The following DMXL1 variants were observed in gnomAD, a reference collection of about 807,000 sequenced individuals.
DMXL1 encodes the protein dmX-like protein 1.
DMXL1 carries 99 observed loss-of-function variants against 319.2 expected under a neutral mutation model. The observed-to-expected ratio is 0.31, with a 90% CI of 0.26 to 0.37. DMXL1 has a LOEUF of 0.37. Ranked by LOEUF, DMXL1 falls within the 10% of genes least tolerant of loss-of-function variation. The pLI is 1.00. For missense variants in DMXL1, 3,745 were observed against 3,595.6 expected (o/e 1.04, Z -1.06); for synonymous variants, 1,385 against 1,235.2 (o/e 1.12, Z -2.54).
chr5:119,209,012 C>T (rs1782266787), intron 34 of DMXL1, among the ~76,000 whole-genome samples: 1 of 152,174 alleles, frequency 6.6e-6, no homozygotes, highest in East Asian at 1.9e-4. Flanking sequence ...ATAATTATTT[C>T]AAGATTCATC....
At chr5:119,233,574 A>T in intron 39 of DMXL1, 107 bp downstream of exon 39, 1 of 799,180 alleles carries the variant, frequency 1.3e-6, no homozygotes, top group Non-Finnish European at 2.0e-6. Context: ...GTAGTAAAGT[A>T]TTGATCTATA....
In DMXL1 at chr5:119,144,553, A is replaced by C. The variant is rs1389722385; in HGVS notation, c.2484A>C (p.Gln828His). ...PITKLHGRKT[Q>H]LLHVFEEDFI... ...ATATTCAGCATGGCAGAAAAACCCA[A>C]CTGCTTCATGTTTTTGAAGAAGACT... The change falls in exon 15 of 44, where the codon CAA becomes CAC. Residue 828 changes from glutamine (Q) to histidine (H), a missense_variant. Physicochemically the swap from Gln to His is conservative, Grantham distance 24 (BLOSUM62 0). Coordinates refer to ENST00000539542, the MANE Select transcript of DMXL1 (RefSeq NM_001290321.3). 1 of 1,602,396 alleles carries C rather than the reference A, an allele frequency of 6.2e-7. No homozygotes were observed. The highest frequency in any genetic ancestry group is 1.1e-5 in the South Asian group (1 of 88,544).
In DMXL1 at chr5:119,105,207, G is replaced by A; in HGVS notation, c.313G>A (p.Gly105Ser). The A allele has an allele frequency of 6.2e-7, 1 of 1,612,872 alleles. No homozygotes were observed. Among genetic ancestry groups the A allele is most frequent in the Admixed American group, 1.7e-5 (1 of 60,000 alleles). Residue 105 changes from glycine (G) to serine (S), a missense_variant, in exon 4 of 44, where the codon GGC (glycine) becomes AGC (serine). This residue lies in a region of DMXL1 where 2,096 missense variants were observed against 1,985.4 expected (regional missense o/e 1.06). Coordinates refer to ENST00000539542, the MANE Select transcript of DMXL1 (RefSeq NM_001290321.3). ...ATTATATAGTCAGTGGCAGAAAAGT[G>A]GCCAATTTTTTCTGGAATCAATAGC... ...LELYSQWQKS[G>S]QFFLESIAHN...
chr5:119,159,342 C>A (rs760215588), intron 19 of DMXL1, among the ~76,000 whole-genome samples: 50 of 152,226 alleles, frequency 3.3e-4, no homozygotes, highest in Non-Finnish European at 5.4e-4. Flanking sequence ...AGTAATCTGC[C>A]TGCCTTGGCC....
In DMXL1 at chr5:119,149,660, C is replaced by T; in HGVS notation, c.3833C>T (p.Pro1278Leu). Reference protein sequence around the residue: ...QSNSSSGLHPPKKTLTRSMTS... With the variant: ...QSNSSSGLHPLKKTLTRSMTS... ...AACTCCAGTTCTGGGTTACATCCTC[C>T]AAAGAAAACTCTGACTCGATCCATG... Residue 1278 changes from proline (P) to leucine (L), a missense_variant, in exon 18 of 44, where the codon CCA becomes CTA. Pro to Leu is a moderately conservative substitution (Grantham distance 98, BLOSUM62 -3). Transcript: ENST00000539542. The T allele has an allele frequency of 6.2e-7, 1 of 1,613,904 alleles. No individual in the cohort carries two copies. Among genetic ancestry groups the T allele is most frequent in the Non-Finnish European group, 8.5e-7 (1 of 1,179,924 alleles).
Position 119,170,683 on chromosome 5 carries a change from A to C in DMXL1, c.5892A>C (p.Leu1964Phe). The change falls in exon 24 of 44, where the codon TTA (leucine) becomes TTC (phenylalanine). Residue 1964 changes from leucine (L) to phenylalanine (F), a missense_variant. Leu to Phe is a conservative substitution (Grantham distance 22). This residue lies in a region of DMXL1 where 1,382 missense variants were observed against 1,269.5 expected (regional missense o/e 1.09). Coordinates refer to ENST00000539542, the MANE Select transcript of DMXL1 (RefSeq NM_001290321.3). ...GTGTTGTGTTTCAGGATGACTCTTT[A>C]GAGTTAAAATGGGACAGTGATAATG... ...QPSVVFQDDS[L>F]ELKWDSDNDE... The C allele has an allele frequency of 6.2e-7, 1 of 1,613,656 alleles. No individual in the cohort carries two copies. The highest frequency in any genetic ancestry group is 8.5e-7 in the Non-Finnish European group (1 of 1,179,884).
intron 18 of DMXL1, among the ~76,000 whole-genome samples, chr5:119,151,712 A>G (rs560121161): frequency 6.6e-6 from 1 of 152,294 alleles, no homozygotes; most frequent in East Asian, 1.9e-4. Flanking sequence ...GTTTATAAAG[A>G]GTATCAGATT....
intron 38 of DMXL1, among the ~76,000 whole-genome samples, chr5:119,228,447 A>T (rs573758423): frequency 5.5e-4 from 84 of 152,350 alleles, no homozygotes; most frequent in Non-Finnish European, 1.0e-3. Flanking sequence ...AAAATAACTG[A>T]AAGTATGGCT....
intron 28 of DMXL1, among the ~76,000 whole-genome samples, chr5:119,179,127 G>A (rs188009745): frequency 2.0e-3 from 298 of 152,022 alleles, no homozygotes; most frequent in Non-Finnish European, 3.4e-3. Flanking sequence ...TTGTATCCCC[G>A]TTTAAAAACT....
intron 34 of DMXL1, among the ~76,000 whole-genome samples, chr5:119,211,941 C>G (rs1782873565): frequency 6.6e-6 from 1 of 152,164 alleles, no homozygotes; most frequent in South Asian, 2.1e-4. Flanking sequence ...TCCGTAGGAT[C>G]CTGGTGTTAA....
intron 28 of DMXL1, among the ~76,000 whole-genome samples, chr5:119,183,323 G>T (rs796277660): frequency 2.9e-4 from 44 of 152,230 alleles, no homozygotes; most frequent in African/African-American, 8.9e-4. Flanking sequence ...ATCTTGACCA[G>T]AAAAGACTTG....
At chr5:119,101,749 G>C (rs542488415) in intron 2 of DMXL1, among the ~76,000 whole-genome samples, 186 bp from the exon 3 acceptor site, 8 of 152,244 alleles carry the variant, frequency 5.3e-5, no homozygotes, top group Non-Finnish European at 1.0e-4. Context: ...GCTAGTTAAC[G>C]TAGTAAGTTG....
At chr5:119,160,027 CTTTA>C (rs1015586639) in intron 19 of DMXL1, among the ~76,000 whole-genome samples, 4 of 152,004 alleles carry the variant, frequency 2.6e-5, no homozygotes, top group Non-Finnish European at 4.4e-5. Flanking sequence ...CTAGTTTATA[CTTTA>C]TTTATTTCTC....
intron 18 of DMXL1, among the ~76,000 whole-genome samples, chr5:119,150,869 G>A (rs1045983968): frequency 2.7e-5 from 4 of 149,022 alleles, no homozygotes; most frequent in East Asian, 2.0e-4. Flanking sequence ...TTTTCCCCCC[G>A]AGACTATCAT....
intron 38 of DMXL1, among the ~76,000 whole-genome samples, chr5:119,231,021 T>C (rs1228559055): frequency 1.3e-5 from 2 of 152,360 alleles, no homozygotes; most frequent in East Asian, 1.9e-4. Context: ...TTGTCTTTTG[T>C]AAAGACTCTT....
rs574538236 is a variant in DMXL1 at position 119,126,068 on chromosome 5, G to C, written c.1103-3143G>C. Among the ~76,000 whole-genome samples the C allele has an allele frequency of 2.0e-5, 3 of 152,208 alleles. No homozygotes were observed. In the South Asian group the frequency reaches 6.2e-4, roughly 32 times the overall value. ...CACTTTGGGAGGCCGAGGCGGTGGT[G>C]AAGTCAGGAATTTGAAACCAGCCTG... On this transcript the variant is annotated intron_variant, in intron 9 of 43. Coordinates refer to ENST00000539542, the MANE Select transcript of DMXL1 (RefSeq NM_001290321.3).
intron 39 of DMXL1, 76 bp downstream of exon 39, chr5:119,233,543 A>G: frequency 7.8e-7 from 1 of 1,279,606 alleles, no homozygotes. Context: ...TGGGTTTCTG[A>G]AAAGAACAGC....
chr5:119,115,764 C>A (rs1044556486), intron 6 of DMXL1, among the ~76,000 whole-genome samples: 2 of 152,076 alleles, frequency 1.3e-5, no homozygotes, highest in African/African-American at 4.8e-5. Flanking sequence ...CATGAAAATT[C>A]ATGAAAAGTA....
rs1397095602 is a variant in DMXL1, at chr5:119,173,692, GTGTGTGTA to G, written c.6682-1567_6682-1560del. 6.8e-4 allele frequency among the ~76,000 whole-genome samples: 78 copies of G among 113,986 alleles called. No homozygotes were observed. The East Asian group carries it at 8.1e-3, about 12-fold the overall frequency. 74.8% of individuals were successfully genotyped at this position (113,986 alleles called of 152,430 possible). ...GATGTATGTGTGTGTGTGTGTGTGT[GTGTGTGTA>G]TATATATATGTGTGTGTGTATATAT... On this transcript the variant is annotated intron_variant, in intron 25 of 43. Coordinates refer to ENST00000539542, the MANE Select transcript of DMXL1 (RefSeq NM_001290321.3).
Sources: gnomAD v4.1 joint callset for allele counts (sites outside exome capture counted in the v4.1 genomes callset) on GRCh38, gnomAD v4.1.1 for gene constraint, gnomAD v4.1.1 regional missense constraint, MANE v1.5 for transcripts, NCBI Gene and HGNC (gene_info 2026-07-23, HGNC 2026-07-21) for gene names.